The following DUT variants were observed in gnomAD, a reference collection of about 807,000 sequenced individuals.
DUT encodes deoxyuridine triphosphatase.
A neutral mutation model predicts 28.8 loss-of-function variants in DUT; 21 were observed. The ratio of observed to expected loss-of-function variants is 0.73; its 90% CI spans 0.52 to 1.05. DUT has a LOEUF of 1.05. Among genes scored for constraint, DUT ranks in the 50% least tolerant of loss-of-function variants. The pLI is 0.00. For missense variants in DUT, 344 were observed against 351.8 expected, an observed-to-expected ratio of 0.98 and a Z score of 0.18; for synonymous variants, 147 against 143.7, an observed-to-expected ratio of 1.02 and a Z score of -0.17.
Position 48,341,913 on chromosome 15 carries a change from G to A in DUT, c.703-109G>A, listed in dbSNP as rs989417959. ...TCTGTAATCTCCCTTTTGAAAAGATGATATAGCAAGAGTAGAATTCTGGCT... is the reference window on the plus strand; with the variant it reads ...TCTGTAATCTCCCTTTTGAAAAGATAATATAGCAAGAGTAGAATTCTGGCT... On this transcript the variant is annotated intron_variant, in intron 6 of 6. Coordinates refer to ENST00000331200, the MANE Select transcript of DUT (RefSeq NM_001025248.2). 2 of 815,416 alleles carry A rather than the reference G, an allele frequency of 2.5e-6. 1 individual carries two copies. The highest frequency in any genetic ancestry group is 3.6e-5 in the African/African-American group (2 of 55,056). The allele number at this position is 815,416 out of a possible 1,614,324, so 50.5% of individuals were successfully genotyped here.
intron 5 of DUT, 45 bp downstream of exon 5, chr15:48,341,408 A>T: frequency 6.4e-7 from 1 of 1,565,564 alleles, no homozygotes; most frequent in Non-Finnish European, 8.8e-7. Context: ...GAATTTTCAG[A>T]GTCATGTATG....
At chr15:48,331,364 G>C, upstream of DUT, 14 of 1,462,952 alleles carry the variant, frequency 9.6e-6, no homozygotes, top group Non-Finnish European at 1.3e-5. Context: ...CCATCCCTGG[G>C]CTGCCGGGGC....
At chr15:48,335,942 T>C (rs2042470374) in intron 3 of DUT, 104 bp from the exon 4 acceptor site, 4 of 839,896 alleles carry the variant, frequency 4.8e-6, no homozygotes, top group South Asian at 1.6e-5. Context: ...GATGAAGATA[T>C]AGATATTATA....
chr15:48,340,198 T>C (rs2042518702), intron 4 of DUT: 1 of 152,128 alleles, frequency 6.6e-6, no homozygotes, highest in Non-Finnish European at 1.5e-5. Context: ...CATGGAGCTG[T>C]CTTCAGTTAG....
chr15:48,336,403 C>T (rs570075863), intron 4 of DUT, among the ~76,000 whole-genome samples: 1 of 152,190 alleles, frequency 6.6e-6, no homozygotes, highest in East Asian at 1.9e-4. Flanking sequence ...CATAAGAGAG[C>T]TATCTGTCTT....
At chr15:48,331,972 A>T in intron 1 of DUT, 177 bp downstream of exon 1, 1 of 868,116 alleles carries the variant, frequency 1.2e-6, no homozygotes, top group Non-Finnish European at 1.6e-6. Flanking sequence ...GCGACGCCCT[A>T]GAAGCTCCCC....
intron 4 of DUT, among the ~76,000 whole-genome samples, chr15:48,336,414 T>C (rs2042476213): frequency 6.6e-6 from 1 of 152,196 alleles, no homozygotes; most frequent in South Asian, 2.1e-4. Flanking sequence ...TATCTGTCTT[T>C]AGCAAAATTT....
chr15:48,333,919 T>C (rs908265051), intron 2 of DUT, among the ~76,000 whole-genome samples: 5 of 152,268 alleles, frequency 3.3e-5, no homozygotes, highest in Non-Finnish European at 5.9e-5. Flanking sequence ...AATGGGTTAA[T>C]ATATGTAAAC....
At position 48,342,395 on chromosome 15, in the gene DUT, A is replaced by T. The variant is rs189753094; in HGVS notation, c.*317A>T. On this transcript the variant is annotated 3_prime_UTR_variant, in exon 7 of 7. Coordinates refer to ENST00000331200, the MANE Select transcript of DUT (RefSeq NM_001025248.2). ...ATCAAATGTAAATCAATTACAGATTAAAAAAAAAAGCCTGTATTTAACTCA... is the reference window on the plus strand; with the variant it reads ...ATCAAATGTAAATCAATTACAGATTTAAAAAAAAAGCCTGTATTTAACTCA... 242 of 154,806 alleles carry T rather than the reference A, an allele frequency of 1.6e-3. 1 individual carries two copies. The highest frequency in any genetic ancestry group is 4.5e-3 in the African/African-American group (184 of 40,614). 9.6% of individuals were successfully genotyped at this position (154,806 alleles called of 1,614,324 possible).
rs1434507427 is a variant in DUT, at chr15:48,336,066, GCAAAA to G, written c.535_539del (p.Lys179LeufsTer3). The G allele has an allele frequency of 6.2e-7, 1 of 1,603,146 alleles. No individual in the cohort carries two copies. The highest frequency in any genetic ancestry group is 8.5e-7 in the Non-Finnish European group (1 of 1,177,252). On this transcript the variant is annotated frameshift_variant, in exon 4 of 7. Coordinates refer to ENST00000331200, the MANE Select transcript of DUT (RefSeq NM_001025248.2). LOFTEE classifies it high-confidence loss of function. ...TTTAGCTCCACGGTCAGGCTTGGCT[GCAAAA>G]CACTTTATTGATGTAGGAGGTAATA... is the stretch of plus-strand genomic sequence containing the variant.
At chr15:48,332,461 C>A in intron 2 of DUT, 55 bp downstream of exon 2, 1 of 1,389,438 alleles carries the variant, frequency 7.2e-7, no homozygotes, top group South Asian at 1.4e-5. Context: ...TCCGCTGCCA[C>A]AGCTAGAAAC....
At chr15:48,333,205 AATTCAAAC>A in intron 2 of DUT, among the ~76,000 whole-genome samples, 1 of 152,272 alleles carries the variant, frequency 6.6e-6, no homozygotes, top group East Asian at 1.9e-4. Flanking sequence ...TATCTCAGAT[AATTCAAAC>A]ATGAGAACTA....
chr15:48,332,189 C>T lies in DUT; in HGVS notation c.281-79C>T, dbSNP rs1026932603. 2.4e-5 allele frequency: 36 copies of T among 1,494,314 alleles called. 1 individual carries two copies. The African/African-American group carries it at 3.4e-4, about 14-fold the overall frequency. 92.6% of individuals were successfully genotyped at this position (1,494,314 alleles called of 1,614,324 possible). On this transcript the variant is annotated intron_variant, in intron 1 of 6. Transcript: ENST00000331200. ...TTCGGTTTTGGCGCGCTCCCTGCGG[C>T]GACGCTCATCGTGCGCTCTCCTCTT...
At chr15:48,341,143 G>A (rs1383404609) in intron 4 of DUT, 146 bp from the exon 5 acceptor site, 1 of 530,880 alleles carries the variant, frequency 1.9e-6, no homozygotes, top group Non-Finnish European at 3.3e-6. Flanking sequence ...TGGTTTTGAG[G>A]CTTTACATAG....
At chr15:48,339,604 A>G (rs2042510736) in intron 4 of DUT, among the ~76,000 whole-genome samples, 1 of 152,164 alleles carries the variant, frequency 6.6e-6, no homozygotes, top group South Asian at 2.1e-4. Context: ...ATTTTTTCAT[A>G]AATATTAAGG....
intron 2 of DUT, chr15:48,332,665 AAGAT>A (rs916408862): frequency 7.6e-6 from 5 of 659,396 alleles, no homozygotes; most frequent in Non-Finnish European, 1.4e-5. Context: ...TCCTAAATAG[AAGAT>A]AGAGAGGAAG....
In DUT at chr15:48,342,111, T is replaced by C. The variant is rs762278544; in HGVS notation, c.*33T>C. 7 of 1,420,754 alleles carry C rather than the reference T, an allele frequency of 4.9e-6. No homozygotes were observed. The highest frequency in any genetic ancestry group is 5.6e-6 in the Non-Finnish European group (6 of 1,062,482). The allele number at this position is 1,420,754 out of a possible 1,614,324, so 88.0% of individuals were successfully genotyped here. A position where few individuals can be genotyped will look rare whatever the true frequency, so the allele number is the denominator to read the frequency against. On this transcript the variant is annotated 3_prime_UTR_variant, in exon 7 of 7. Coordinates refer to ENST00000331200, the MANE Select transcript of DUT (RefSeq NM_001025248.2). ...GCCAAGAACAGAAAACAAGAAGTCATACCTTTTTCTTAAAAAAAAAAAAAA... is the reference window on the plus strand; with the variant it reads ...GCCAAGAACAGAAAACAAGAAGTCACACCTTTTTCTTAAAAAAAAAAAAAA...
In DUT at chr15:48,342,496, A is replaced by ATTCT. The variant is rs2042550425; in HGVS notation, c.*422_*425dup. The ATTCT allele has an allele frequency of 1.3e-5, 2 of 152,498 alleles. No individual in the cohort carries two copies. Among genetic ancestry groups the ATTCT allele is most frequent in the Admixed American group, 1.3e-4 (2 of 15,284 alleles). 9.4% of individuals were successfully genotyped at this position (152,498 alleles called of 1,614,324 possible). ...GCAATATTTTTTATTCAGTAAACAA[A>ATTCT]TTCTTTCACAAGGTACAAAATCTTG... is the stretch of plus-strand genomic sequence containing the variant. On this transcript the variant is annotated 3_prime_UTR_variant, in exon 7 of 7. Coordinates refer to ENST00000331200, the MANE Select transcript of DUT (RefSeq NM_001025248.2).
At chr15:48,339,969 G>T (rs1306137981) in intron 4 of DUT, among the ~76,000 whole-genome samples, 1 of 152,168 alleles carries the variant, frequency 6.6e-6, no homozygotes, top group African/African-American at 2.4e-5. Flanking sequence ...TGAGAAAATT[G>T]AAAGGATATG....
Sources: allele counts gnomAD v4.1 joint callset (sites outside exome capture counted in the v4.1 genomes callset), GRCh38; gene constraint gnomAD v4.1.1; transcripts MANE v1.5; gene names NCBI Gene and HGNC (gene_info 2026-07-23, HGNC 2026-07-21).